ARHGEF40: variants seen among roughly 807,000 people sequenced by gnomAD.
ARHGEF40 encodes the protein Rho guanine nucleotide exchange factor (GEF) 40.
Under a neutral mutation model 165.9 loss-of-function variants are expected in ARHGEF40, and 98 were observed. The observed-to-expected ratio is 0.59, with a 90% CI of 0.50 to 0.70. The LOEUF (loss-of-function observed/expected upper bound fraction) is 0.70, where lower values mean the gene tolerates loss of function less well. ARHGEF40 is among the 30% of genes least tolerant of loss of function. The probability of loss-of-function intolerance (pLI) is 0.00; values close to 1 mark genes in which losing one functional copy is unlikely to be tolerated. For synonymous variants in ARHGEF40, 792 were observed against 814.3 expected (o/e 0.97, Z 0.47); for missense variants, 1,815 against 1,968.0 (o/e 0.92, Z 1.47).
At position 21,075,780 on chromosome 14, in the gene ARHGEF40, G is replaced by A. The variant is rs1328229882; in HGVS notation, c.1739+15G>A. The A allele has an allele frequency of 3.1e-6, 5 of 1,609,722 alleles. No homozygotes were observed. Among genetic ancestry groups the A allele is most frequent in the Admixed American group, 3.3e-5 (2 of 59,764 alleles). The stretch of plus-strand genomic sequence containing the variant: ...TCACTGCTCAGGTAACCGAGGCCCA[G>A]TCCTGGCACCCTGGACACTAACCTC... On this transcript the variant is annotated intron_variant, in intron 5 of 23. Transcript: ENST00000298694. This position sits in a 1 kb window ranked among gnomAD's most constrained non-coding sequence, Gnocchi z 4.5.
intron 17 of ARHGEF40, 76 bp downstream of exon 17, chr14:21,084,126 G>C: frequency 6.9e-7 from 1 of 1,447,368 alleles, no homozygotes; most frequent in Non-Finnish European, 9.3e-7. Context: ...TTGGTGACAG[G>C]AGAACCAGGC....
At position 21,074,795 on chromosome 14, in the gene ARHGEF40, TAGA is replaced by T. The variant is rs1887270215; in HGVS notation, c.1066_1068del (p.Arg356del). 3.7e-6 allele frequency: 6 copies of T among 1,607,256 alleles called. No individual in the cohort carries two copies. The highest frequency in any genetic ancestry group is 5.1e-6 in the Non-Finnish European group (6 of 1,177,172). On this transcript the variant is annotated inframe_deletion, in exon 3 of 24. Coordinates refer to ENST00000298694, the MANE Select transcript of ARHGEF40 (RefSeq NM_018071.5). The surrounding 1 kb of genome is among the most constrained non-coding windows in gnomAD (Gnocchi z 4.8). The stretch of plus-strand genomic sequence containing the variant: ...CTTGCCCCCTGAGGCCAGGGGAGCT[TAGA>T]GGAGGAGGAGGAGGAGGCCAGGGGG...
the ARHGEF40 span, among the ~76,000 whole-genome samples, chr14:21,062,317 G>A: frequency 1.3e-5 from 2 of 152,160 alleles, no homozygotes; most frequent in Non-Finnish European, 2.9e-5. Flanking sequence ...GATTTTGCTG[G>A]GGCGTTTAGT....
chr14:21,082,080 G>A lies in ARHGEF40; in HGVS notation c.3212G>A (p.Gly1071Glu). 6.4e-7 allele frequency: 1 copy of A among 1,560,938 alleles called. No homozygotes were observed. Among genetic ancestry groups the A allele is most frequent in the South Asian group, 1.2e-5 (1 of 85,010 alleles). Residue 1071 changes from glycine (G) to glutamate (E), a missense_variant, in exon 14 of 24, where the codon GGA (glycine) becomes GAA (glutamate). Coordinates refer to ENST00000298694, the MANE Select transcript of ARHGEF40 (RefSeq NM_018071.5). ...GCTAGGGGGCCAGACGGACCCTGGG[G>A]AGTAGGCACCCCCCGGATGGAGCGC... Reference protein sequence around the residue: ...GRARGPDGPWGVGTPRMERKR... With the variant: ...GRARGPDGPWEVGTPRMERKR...
upstream of ARHGEF40, among the ~76,000 whole-genome samples, chr14:21,068,201 G>T (rs1196318092): frequency 1.3e-3 from 23 of 17,522 alleles, 4 homozygotes; most frequent in African/African-American, 2.2e-3. Context: ...GGGTTTCACC[G>T]TGTTAGCCAG....
rs377542828 is a variant in ARHGEF40 at position 21,074,593 on chromosome 14, C to A, written c.863C>A (p.Ala288Glu). 3 of 1,567,526 alleles carry A rather than the reference C, an allele frequency of 1.9e-6. No individual in the cohort carries two copies. The Admixed American group carries it at 5.8e-5, about 30-fold the overall frequency. ...GGKGRHRRHR[A>E]WMHQKGLGPR... ...AAGGGCCGCCACCGGAGACACCGGG[C>A]GTGGATGCACCAGAAGGGCCTGGGG... is the stretch of plus-strand genomic sequence containing the variant. Residue 288 changes from alanine (A) to glutamate (E), a missense_variant, in exon 3 of 24, where the codon GCG (alanine) becomes GAG (glutamate). Transcript: ENST00000298694. The surrounding 1 kb of genome is among the most constrained non-coding windows in gnomAD (Gnocchi z 4.8).
chr14:21,061,470 C>T, the ARHGEF40 span, among the ~76,000 whole-genome samples: 1 of 152,104 alleles, frequency 6.6e-6, no homozygotes, highest in Non-Finnish European at 1.5e-5. Flanking sequence ...AACTGGCCCA[C>T]TCTGAGGGTA....
In ARHGEF40 at chr14:21,073,242, T is replaced by G. The variant is rs1459773185; in HGVS notation, c.201T>G (p.Cys67Trp). The G allele has an allele frequency of 4.4e-6, 7 of 1,604,228 alleles. No individual in the cohort carries two copies. Among genetic ancestry groups the G allele is most frequent in the Non-Finnish European group, 6.0e-6 (7 of 1,175,828 alleles). ...HLLAKVQQEACAQYSGFLFFH... is the reference protein window; with the variant it reads ...HLLAKVQQEAWAQYSGFLFFH... The stretch of plus-strand genomic sequence containing the variant: ...TTGCCAAGGTCCAGCAGGAAGCCTG[T>G]GTGAGTGGCCGTGCATCACTATTCT... Residue 67 changes from cysteine to tryptophan, a missense_variant and splice_region_variant, in exon 2 of 24, where the codon TGT (cysteine) becomes TGG (tryptophan). Transcript: ENST00000298694. This position sits in a 1 kb window ranked among gnomAD's most constrained non-coding sequence, Gnocchi z 4.6.
At chr14:21,065,576 G>A (rs1156555047), upstream of ARHGEF40, among the ~76,000 whole-genome samples, 2 of 152,156 alleles carry the variant, frequency 1.3e-5, no homozygotes, top group Non-Finnish European at 2.9e-5. Flanking sequence ...ATGCTATGAA[G>A]AAAATACAAC....
chr14:21,064,969 G>A, the ARHGEF40 span, among the ~76,000 whole-genome samples: 2 of 152,136 alleles, frequency 1.3e-5, no homozygotes, highest in Non-Finnish European at 1.5e-5. Context: ...TCAGGAGTTC[G>A]AGACCAGCCT....
the ARHGEF40 span, among the ~76,000 whole-genome samples, chr14:21,061,270 T>C: frequency 2.2e-3 from 337 of 152,328 alleles, 1 homozygote; most frequent in African/African-American, 7.7e-3. Context: ...AACCATTCAA[T>C]ATCTGTAAGA....
chr14:21,082,218 C>G, intron 14 of ARHGEF40, 26 bp from the exon 15 acceptor site: 1 of 1,592,188 alleles, frequency 6.3e-7, no homozygotes, highest in Non-Finnish European at 8.6e-7. Flanking sequence ...CCCACACCTC[C>G]TCTGCCACTC....
chr14:21,066,665 C>T (rs1886286078), upstream of ARHGEF40, among the ~76,000 whole-genome samples: 1 of 152,168 alleles, frequency 6.6e-6, no homozygotes, highest in Admixed American at 6.5e-5. Flanking sequence ...ATTACTCTGG[C>T]TATGGTGCAG....
At chr14:21,076,966 A>G (rs890258464) in intron 8 of ARHGEF40, 76 bp downstream of exon 8, 47 of 1,304,790 alleles carry the variant, frequency 3.6e-5, no homozygotes, top group Non-Finnish European at 4.5e-5. Context: ...GAGAGAGGCC[A>G]TGTCCAGGAC....
rs775509254 is a variant in ARHGEF40 at position 21,081,492 on chromosome 14, C to A, written c.2641-17C>A. The A allele has an allele frequency of 7.4e-6, 12 of 1,612,018 alleles. No individual in the cohort carries two copies. The highest frequency in any genetic ancestry group is 3.3e-5 in the Admixed American group (2 of 59,892). On this transcript the variant is annotated splice_polypyrimidine_tract_variant and intron_variant, in intron 13 of 23. Coordinates refer to ENST00000298694, the MANE Select transcript of ARHGEF40 (RefSeq NM_018071.5). Reference sequence around the variant, plus strand: ...CTTACCCTTTCTCTCCCATCCCCAACCCCTTTGACTTCGTAGGCACATGAA... The same window carrying A: ...CTTACCCTTTCTCTCCCATCCCCAAACCCTTTGACTTCGTAGGCACATGAA...
intron 11 of ARHGEF40, 146 bp from the exon 12 acceptor site, chr14:21,080,514 C>T: frequency 1.1e-6 from 1 of 904,538 alleles, no homozygotes; most frequent in Non-Finnish European, 1.6e-6. Context: ...TATTACCATT[C>T]ACTGTTGTCA....
chr14:21,063,826 TA>T, the ARHGEF40 span, among the ~76,000 whole-genome samples: 1 of 152,222 alleles, frequency 6.6e-6, no homozygotes, highest in African/African-American at 2.4e-5. Flanking sequence ...ACAATTTCTT[TA>T]AAAGCTCTCT....
At chr14:21,087,165 C>T (rs1888410471) in intron 20 of ARHGEF40, 60 bp downstream of exon 20, 1 of 1,594,178 alleles carries the variant, frequency 6.3e-7, no homozygotes, top group African/African-American at 1.3e-5. Context: ...AATGAGGATA[C>T]AAAGGGGAGG....
intron 7 of ARHGEF40, 47 bp downstream of exon 7, chr14:21,076,690 A>G: frequency 6.2e-7 from 1 of 1,605,526 alleles, no homozygotes; most frequent in Non-Finnish European, 8.5e-7. Flanking sequence ...TAGTGGGGAG[A>G]GGAGAAGAGG....
Sources: gnomAD v4.1 joint callset for allele counts (sites outside exome capture counted in the v4.1 genomes callset) on GRCh38, gnomAD v4.1.1 for gene constraint, Gnocchi (gnomAD v3.1) non-coding constraint, MANE v1.5 for transcripts, NCBI Gene and HGNC (gene_info 2026-07-23, HGNC 2026-07-21) for gene names.